EPC2: variants seen among roughly 807,000 people sequenced by gnomAD.
EPC2 encodes the protein enhancer of polycomb homolog 2.
A neutral mutation model predicts 92.1 loss-of-function variants in EPC2; 14 were observed. The observed-to-expected ratio is 0.15, with a 90% confidence interval of 0.10 to 0.24. EPC2 has a LOEUF of 0.24. Ranked by LOEUF, EPC2 falls within the 10% of genes least tolerant of loss-of-function variation. The pLI is 1.00. For synonymous variants in EPC2, 340 were observed against 334.7 expected, an observed-to-expected ratio of 1.02 and a Z score of -0.17; for missense variants, 755 against 971.5, an observed-to-expected ratio of 0.78 and a Z score of 2.96.
chr2:148,770,020 G>A (rs1683485567), intron 8 of EPC2, among the ~76,000 whole-genome samples: 2 of 151,800 alleles, frequency 1.3e-5, no homozygotes, highest in Admixed American at 6.6e-5. Context: ...GGAACAGCTT[G>A]TTTGTTTCTT....
intron 2 of EPC2, among the ~76,000 whole-genome samples, chr2:148,715,775 T>G (rs997942287): frequency 5.9e-5 from 9 of 152,218 alleles, no homozygotes; most frequent in Non-Finnish European, 1.0e-4. Context: ...CAATGGTAGT[T>G]TAATGGGAAT....
intron 3 of EPC2, among the ~76,000 whole-genome samples, chr2:148,747,160 A>G (rs553456070): frequency 9.2e-5 from 14 of 152,002 alleles, no homozygotes; most frequent in African/African-American, 3.4e-4. Flanking sequence ...TTACTGATTA[A>G]CCTTCTATAT....
At position 148,679,877 on chromosome 2, in the gene EPC2, A is replaced by G. The variant is rs184963730; in HGVS notation, c.154-10337A>G. Among the ~76,000 whole-genome samples, 285 of 152,250 alleles carry G rather than the reference A, an allele frequency of 1.9e-3. 2 individuals carry two copies. The highest frequency in any genetic ancestry group is 3.1e-3 in the Non-Finnish European group (209 of 68,010). On this transcript the variant is annotated intron_variant, in intron 1 of 13. Transcript: ENST00000258484. ...TGCCCAGGGTGGTCTCGATCTCCTA[A>G]GCTGAAGCGATCCTCCTGTCTTGCC...
chr2:148,701,514 CAT>C (rs776714057), intron 2 of EPC2, among the ~76,000 whole-genome samples: 127 of 152,154 alleles, frequency 8.3e-4, no homozygotes, highest in Non-Finnish European at 1.5e-3. Flanking sequence ...TTGATATGCT[CAT>C]GTGATTTTTC....
intron 11 of EPC2, 145 bp downstream of exon 11, chr2:148,781,925 T>C (rs1433721803): frequency 2.4e-5 from 21 of 890,054 alleles, no homozygotes; most frequent in African/African-American, 3.4e-5. Context: ...TCAGTTAATG[T>C]ACGTAATTTT....
intron 1 of EPC2, among the ~76,000 whole-genome samples, chr2:148,649,738 A>T (rs1282750276): frequency 6.6e-6 from 1 of 152,252 alleles, no homozygotes; most frequent in Non-Finnish European, 1.5e-5. Flanking sequence ...ATATACTCAT[A>T]GTCACCATGC....
chr2:148,650,082 G>C (rs1680641068), intron 1 of EPC2, among the ~76,000 whole-genome samples: 1 of 152,014 alleles, frequency 6.6e-6, no homozygotes, highest in Non-Finnish European at 1.5e-5. Context: ...TTATTGTTTA[G>C]ATTTTTCTCC....
intron 1 of EPC2, among the ~76,000 whole-genome samples, chr2:148,682,920 T>C (rs1397534223): frequency 6.6e-6 from 1 of 152,186 alleles, no homozygotes. Flanking sequence ...ACTAATATAT[T>C]TAATGTGTCT....
At position 148,645,125 on chromosome 2, in the gene EPC2, G is replaced by C. The variant is rs1328889740; in HGVS notation, c.108G>C (p.Arg36=). 6.2e-7 allele frequency: 1 copy of C among 1,609,686 alleles called. No individual in the cohort carries two copies. Among genetic ancestry groups the C allele is most frequent in the Non-Finnish European group, 8.5e-7 (1 of 1,178,080 alleles). ...TCAACGACTGCGTCTCCATCAACCG[G>C]GCCGTGCCCCAGATGCCCACCGGGA... ...PDLNDCVSIN[R]AVPQMPTGME... Residue 36 remains arginine (R), a synonymous_variant, in exon 1 of 14, where the codon CGG becomes CGC. Transcript: ENST00000258484.
intron 7 of EPC2, 66 bp from the exon 8 acceptor site, chr2:148,769,085 A>T: frequency 2.0e-6 from 2 of 996,764 alleles, no homozygotes; most frequent in Non-Finnish European, 3.1e-6. Context: ...TTTACATTTT[A>T]GAGTATTACA....
At chr2:148,689,514 G>C (rs1408588361) in intron 1 of EPC2, among the ~76,000 whole-genome samples, 1 of 152,070 alleles carries the variant, frequency 6.6e-6, no homozygotes, top group Non-Finnish European at 1.5e-5. Context: ...ATAGGATGGA[G>C]ATCAGAAATC....
chr2:148,646,486 C>T (rs989169919), intron 1 of EPC2, among the ~76,000 whole-genome samples: 1 of 151,854 alleles, frequency 6.6e-6, no homozygotes, highest in Non-Finnish European at 1.5e-5. Context: ...TATATATACA[C>T]GCACATACAC....
chr2:148,722,820 C>A (rs1371743830), intron 2 of EPC2, among the ~76,000 whole-genome samples: 1 of 152,202 alleles, frequency 6.6e-6, no homozygotes, highest in African/African-American at 2.4e-5. Context: ...GGTACATATA[C>A]ACGATACATA....
intron 2 of EPC2, among the ~76,000 whole-genome samples, chr2:148,740,531 T>C (rs538998147): frequency 3.3e-5 from 5 of 152,306 alleles, no homozygotes; most frequent in African/African-American, 1.2e-4. Flanking sequence ...TTCTCACTAT[T>C]AATTTTTCTA....
At chr2:148,707,119 C>T (rs1418307259) in intron 2 of EPC2, among the ~76,000 whole-genome samples, 1 of 152,130 alleles carries the variant, frequency 6.6e-6, no homozygotes, top group African/African-American at 2.4e-5. Context: ...CGTGCAGAGA[C>T]ACACATAGGC....
intron 1 of EPC2, among the ~76,000 whole-genome samples, chr2:148,664,848 T>C (rs1243081684): frequency 6.6e-6 from 1 of 152,238 alleles, no homozygotes; most frequent in Admixed American, 6.5e-5. Context: ...CTGAATAGTA[T>C]TTCAGTTTGT....
In EPC2 at chr2:148,645,423, G is replaced by T. The variant is rs1032949796; in HGVS notation, c.153+253G>T. 6 of 423,678 alleles carry T rather than the reference G, an allele frequency of 1.4e-5. No homozygotes were observed. The Admixed American group carries it at 2.7e-4, about 19-fold the overall frequency. 26.2% of individuals were successfully genotyped at this position (423,678 alleles called of 1,614,324 possible). On this transcript the variant is annotated intron_variant, in intron 1 of 13. Transcript: ENST00000258484. ...GCTTACGCTGCCGTAAGGGGGCCTT[G>T]CCGTAAGCGGCGGCCGGGAATGGCG... is the stretch of plus-strand genomic sequence containing the variant.
intron 2 of EPC2, among the ~76,000 whole-genome samples, chr2:148,712,020 CTGA>C (rs1682154171): frequency 6.6e-6 from 1 of 152,088 alleles, no homozygotes; most frequent in African/African-American, 2.4e-5. Context: ...TTGTTCCACT[CTGA>C]TGATCTCTTT....
At chr2:148,673,453 T>G (rs772826693) in intron 1 of EPC2, among the ~76,000 whole-genome samples, 1 of 152,250 alleles carries the variant, frequency 6.6e-6, no homozygotes, top group Non-Finnish European at 1.5e-5. Context: ...CTCTGTTTGA[T>G]AAGTCTGCTG....
Sources: allele counts gnomAD v4.1 joint callset (sites outside exome capture counted in the v4.1 genomes callset), GRCh38; gene constraint gnomAD v4.1.1; transcripts MANE v1.5; gene names NCBI Gene and HGNC (gene_info 2026-07-23, HGNC 2026-07-21).